The following DNAJB13 variants were observed in gnomAD, a reference collection of about 807,000 sequenced individuals.
DNAJB13 encodes DnaJ heat shock protein family (Hsp40) member B13, also known as dnaJ homolog subfamily B member 13.
DNAJB13 carries 22 observed loss-of-function variants against 35.6 expected under a neutral mutation model. The observed-to-expected ratio is 0.62, with a 90% CI of 0.44 to 0.88. The LOEUF (loss-of-function observed/expected upper bound fraction) is 0.88. Among genes scored for constraint, DNAJB13 ranks in the 40% least tolerant of loss-of-function variants. The pLI is 0.00. For synonymous variants in DNAJB13, 136 were observed against 144.2 expected, an observed-to-expected ratio of 0.94 and a Z score of 0.41; for missense variants, 370 against 384.3, an observed-to-expected ratio of 0.96 and a Z score of 0.31.
intron 1 of DNAJB13, among the ~76,000 whole-genome samples, chr11:73,956,828 A>G (rs1218581387): frequency 6.8e-6 from 1 of 148,008 alleles, no homozygotes; most frequent in East Asian, 2.0e-4. Context: ...AAAAAAGTAT[A>G]TGTCTGGGCT....
At chr11:73,957,472 C>A (rs1950783320) in intron 1 of DNAJB13, among the ~76,000 whole-genome samples, 3 of 152,204 alleles carry the variant, frequency 2.0e-5, no homozygotes, top group African/African-American at 7.2e-5. Flanking sequence ...TCTCCCCCAC[C>A]CCGGGTCACT....
intron 5 of DNAJB13, among the ~76,000 whole-genome samples, chr11:73,967,717 C>T (rs758211455): frequency 1.8e-4 from 28 of 152,188 alleles, no homozygotes; most frequent in Admixed American, 1.6e-3. Flanking sequence ...TGCACTTCAG[C>T]CTGGGCAACA....
intron 1 of DNAJB13, among the ~76,000 whole-genome samples, chr11:73,954,647 T>TA (rs199706491): frequency 0.087 from 11,978 of 137,340 alleles, 568 homozygotes; most frequent in East Asian, 0.15. Flanking sequence ...AAAAATAAAA[T>TA]AAATAAATAA....
intron 1 of DNAJB13, among the ~76,000 whole-genome samples, chr11:73,951,466 G>A (rs1456008388): frequency 2.6e-5 from 4 of 152,138 alleles, no homozygotes; most frequent in Non-Finnish European, 4.4e-5. Flanking sequence ...GAGAACCAGA[G>A]GCTTGTGAAC....
intron 1 of DNAJB13, among the ~76,000 whole-genome samples, chr11:73,954,605 G>T (rs533335506): frequency 1.3e-5 from 2 of 149,060 alleles, no homozygotes; most frequent in Non-Finnish European, 3.0e-5. Context: ...ACTCCAGCCT[G>T]GGCAACAGAG....
intron 5 of DNAJB13, 98 bp downstream of exon 5, chr11:73,966,349 C>G: frequency 8.9e-7 from 1 of 1,123,208 alleles, no homozygotes; most frequent in South Asian, 1.4e-5. Flanking sequence ...CTTTTTCCTG[C>G]CCCTGTGAGC....
chr11:73,955,962 A>G (rs1234219595), intron 1 of DNAJB13, among the ~76,000 whole-genome samples: 3 of 151,674 alleles, frequency 2.0e-5, no homozygotes, highest in Non-Finnish European at 4.4e-5. Context: ...CAGTTGCAGG[A>G]CCACAGATCC....
chr11:73,952,835 A>G (rs1229637717), intron 1 of DNAJB13, among the ~76,000 whole-genome samples: 1 of 152,194 alleles, frequency 6.6e-6, no homozygotes, highest in African/African-American at 2.4e-5. Flanking sequence ...TCTAAAAATC[A>G]TCATCATAAT....
At chr11:73,954,270 G>T (rs1358553548) in intron 1 of DNAJB13, among the ~76,000 whole-genome samples, 1 of 151,220 alleles carries the variant, frequency 6.6e-6, no homozygotes, top group African/African-American at 2.4e-5. Context: ...AGGTTGCAGT[G>T]AGCCGAGATC....
intron 3 of DNAJB13, chr11:73,964,590 TGGG>T: frequency 4.9e-6 from 1 of 202,608 alleles, no homozygotes; most frequent in Non-Finnish European, 8.5e-6. Flanking sequence ...TTGGGCGGGG[TGGG>T]GGGGGAATGT....
intron 6 of DNAJB13, among the ~76,000 whole-genome samples, chr11:73,968,915 C>A (rs1329136262): frequency 6.6e-6 from 1 of 152,184 alleles, no homozygotes; most frequent in African/African-American, 2.4e-5. Context: ...TCACCTGACC[C>A]TATAGGGTCC....
At chr11:73,964,543 C>A (rs138822626) in intron 3 of DNAJB13, 7 of 255,960 alleles carry the variant, frequency 2.7e-5, no homozygotes, top group Non-Finnish European at 3.4e-5. Flanking sequence ...GCCAGAGTTA[C>A]GGTATCCGAG....
rs1344441287 is a variant in DNAJB13 at position 73,959,586 on chromosome 11, G to T, written c.265G>T (p.Gly89Cys). 2.5e-6 allele frequency: 4 copies of T among 1,614,124 alleles called. No homozygotes were observed. The change falls in exon 3 of 8, where the codon GGT (glycine) becomes TGT (cysteine). Residue 89 changes from glycine (G) to cysteine (C), a missense_variant. Gly to Cys is a radical substitution (Grantham distance 159). Transcript: ENST00000339764. ...TGGATCCCAGACCCCATGGACAACT[G>T]GTTACGTCTTCCATGGCAAACCTGA... Reference protein sequence around the residue: ...EFGSQTPWTTGYVFHGKPEKV... With the variant: ...EFGSQTPWTTCYVFHGKPEKV...
intron 4 of DNAJB13, chr11:73,965,288 C>G (rs1448110059): frequency 2.8e-6 from 1 of 354,996 alleles, no homozygotes; most frequent in African/African-American, 2.1e-5. Flanking sequence ...TCTTTCCCTT[C>G]CTTTCTTTCA....
intron 1 of DNAJB13, among the ~76,000 whole-genome samples, chr11:73,956,568 T>C (rs1950747902): frequency 6.6e-6 from 1 of 152,012 alleles, no homozygotes; most frequent in South Asian, 2.1e-4. Flanking sequence ...TTTGGGAGGC[T>C]GTGGTGGGCG....
chr11:73,964,765 C>CTCTGTG, intron 3 of DNAJB13, 113 bp from the exon 4 acceptor site: 1 of 658,676 alleles, frequency 1.5e-6, no homozygotes, highest in Non-Finnish European at 2.5e-6. Context: ...GATAGGGAGG[C>CTCTGTG]TGTGTGTGTG....
chr11:73,953,145 G>A (rs1423236905), intron 1 of DNAJB13, among the ~76,000 whole-genome samples: 1 of 152,158 alleles, frequency 6.6e-6, no homozygotes, highest in African/African-American at 2.4e-5. Flanking sequence ...AGGATTGCTT[G>A]AGCCCAGAAG....
intron 4 of DNAJB13, chr11:73,965,471 G>C (rs986748965): frequency 6.2e-6 from 1 of 162,416 alleles, no homozygotes; most frequent in Non-Finnish European, 1.4e-5. Flanking sequence ...AGTCCCCAAG[G>C]TGACGGGTTG....
chr11:73,968,267 G>C, intron 5 of DNAJB13, 78 bp from the exon 6 acceptor site: 1 of 1,235,552 alleles, frequency 8.1e-7, no homozygotes, highest in Non-Finnish European at 1.2e-6. Flanking sequence ...TGAAGACATG[G>C]AGACAAGTAG....
Sources: allele counts gnomAD v4.1 joint callset (sites outside exome capture counted in the v4.1 genomes callset), GRCh38; gene constraint gnomAD v4.1.1; transcripts MANE v1.5; gene names NCBI Gene and HGNC (gene_info 2026-07-23, HGNC 2026-07-21).